Variants in CREB5 observed in about 807,000 individuals in gnomAD.
CREB5 encodes cyclic AMP-responsive element-binding protein 5.
A neutral mutation model predicts 57.1 loss-of-function variants in CREB5; 19 were observed. The ratio of observed to expected loss-of-function variants is 0.33; its 90% CI spans 0.23 to 0.49. The LOEUF (loss-of-function observed/expected upper bound fraction) is 0.49. CREB5 is among the 20% of genes least tolerant of loss of function. CREB5 has a pLI of 0.99. For synonymous variants in CREB5, 238 were observed against 238.3 expected (o/e 1.00, Z 0.01); for missense variants, 579 against 671.6 (o/e 0.86, Z 1.52).
chr7:28,357,869 G>A (rs1185608616), intron 1 of CREB5, among the ~76,000 whole-genome samples: 1 of 152,164 alleles, frequency 6.6e-6, no homozygotes, highest in Non-Finnish European at 1.5e-5. Context: ...AGAAAGGAAA[G>A]ATCTTTAAAG....
Position 28,822,578 on chromosome 7 carries a change from G to A in CREB5, c.*3299G>A, listed in dbSNP as rs773758437. On this transcript the variant is annotated 3_prime_UTR_variant, in exon 11 of 11. Transcript: ENST00000357727. ...TTCGTGTGTGGTTTTCTTGATCGGT[G>A]AGATCTGTCTCTGAAGTCACTGCCA... 7 of 152,692 alleles carry A rather than the reference G, an allele frequency of 4.6e-5. No homozygotes were observed. Among genetic ancestry groups the A allele is most frequent in the Non-Finnish European group, 5.9e-5 (4 of 68,104 alleles). 9.5% of individuals were successfully genotyped at this position (152,692 alleles called of 1,614,324 possible).
chr7:28,382,705 C>T (rs934988195), intron 1 of CREB5, among the ~76,000 whole-genome samples: 2 of 151,954 alleles, frequency 1.3e-5, no homozygotes, highest in African/African-American at 4.8e-5. Flanking sequence ...TACAATTGCA[C>T]TTAAAATGCT....
At chr7:28,562,590 T>C (rs1367894198) in intron 4 of CREB5, among the ~76,000 whole-genome samples, 1 of 152,226 alleles carries the variant, frequency 6.6e-6, no homozygotes, top group African/African-American at 2.4e-5. Context: ...AGGCCACTGA[T>C]GATTATATCA....
chr7:28,772,906 G>C (rs750662384), intron 7 of CREB5, among the ~76,000 whole-genome samples: 1 of 152,120 alleles, frequency 6.6e-6, no homozygotes, highest in Non-Finnish European at 1.5e-5. Flanking sequence ...CTACCACTTT[G>C]CTACTTGGTG....
chr7:28,398,430 G>A (rs1157941980), intron 1 of CREB5, among the ~76,000 whole-genome samples: 1 of 152,132 alleles, frequency 6.6e-6, no homozygotes, highest in East Asian at 1.9e-4. Context: ...TAAGCAAGAA[G>A]GCCAGGATGT....
At chr7:28,464,712 A>ATTT (rs1562735358) in intron 1 of CREB5, among the ~76,000 whole-genome samples, 2,513 of 141,814 alleles carry the variant, frequency 0.018, 57 homozygotes, top group African/African-American at 0.063. Flanking sequence ...GTTATTTTTA[A>ATTT]AAAAAAAAAA....
chr7:28,332,920 A>C (rs1211400303), intron 1 of CREB5, among the ~76,000 whole-genome samples: 1 of 152,202 alleles, frequency 6.6e-6, no homozygotes, highest in Non-Finnish European at 1.5e-5. Context: ...TTGACATAAG[A>C]TACTGTATAT....
chr7:28,608,239 CT>C (rs1002295134), intron 5 of CREB5, among the ~76,000 whole-genome samples: 7 of 152,018 alleles, frequency 4.6e-5, no homozygotes, highest in African/African-American at 1.4e-4. Flanking sequence ...CTTTTTCCCC[CT>C]GATATGTATC....
intron 5 of CREB5, among the ~76,000 whole-genome samples, chr7:28,616,860 G>A (rs758792248): frequency 2.0e-5 from 3 of 152,166 alleles, no homozygotes; most frequent in Non-Finnish European, 4.4e-5. Flanking sequence ...TTCTAAAAAT[G>A]CATTATTTCA....
chr7:28,659,434 T>C (rs752458938), intron 5 of CREB5, among the ~76,000 whole-genome samples: 1 of 152,148 alleles, frequency 6.6e-6, no homozygotes, highest in Non-Finnish European at 1.5e-5. Flanking sequence ...GAATCCTTTT[T>C]ATTCTTCTCT....
intron 1 of CREB5, among the ~76,000 whole-genome samples, chr7:28,451,878 C>G (rs1789832123): frequency 6.6e-6 from 1 of 152,056 alleles, no homozygotes; most frequent in Non-Finnish European, 1.5e-5. Context: ...GAATAAGCTC[C>G]ATATGGTTTC....
At chr7:28,674,464 A>C (rs866232929) in intron 5 of CREB5, among the ~76,000 whole-genome samples, 30 of 152,218 alleles carry the variant, frequency 2.0e-4, no homozygotes, top group Middle Eastern at 3.4e-3. Flanking sequence ...TTCTCTGCCC[A>C]CCTCTTACTG....
At chr7:28,790,553 C>T (rs1807639998) in intron 7 of CREB5, among the ~76,000 whole-genome samples, 1 of 151,774 alleles carries the variant, frequency 6.6e-6, no homozygotes, top group Non-Finnish European at 1.5e-5. Flanking sequence ...TGAATCAGTA[C>T]CAAGAAAAAC....
At chr7:28,385,246 G>A (rs911274750) in intron 1 of CREB5, among the ~76,000 whole-genome samples, 2 of 152,064 alleles carry the variant, frequency 1.3e-5, no homozygotes. Context: ...GCAGAATTGG[G>A]CTTTTAAGTC....
At chr7:28,796,928 A>G (rs940202769) in intron 7 of CREB5, among the ~76,000 whole-genome samples, 1 of 152,186 alleles carries the variant, frequency 6.6e-6, no homozygotes, top group Non-Finnish European at 1.5e-5. Context: ...ACAGTCTCTT[A>G]AAATGCTCAC....
chr7:28,570,360 G>A lies in CREB5; in HGVS notation c.292-5G>A, dbSNP rs1795646525. On this transcript the variant is annotated splice_polypyrimidine_tract_variant and splice_region_variant and intron_variant, in intron 4 of 10. Transcript: ENST00000357727. Reference sequence around the variant, plus strand: ...TGACCTTTCCCCTGTGTCTTCTCTGGGCAGAATATCTCGATGCATAATGCA... The same window carrying A: ...TGACCTTTCCCCTGTGTCTTCTCTGAGCAGAATATCTCGATGCATAATGCA... The A allele has an allele frequency of 6.2e-7, 1 of 1,610,808 alleles. No individual in the cohort carries two copies.
chr7:28,464,496 C>CGTGTGTGTGTGTGTGTGT (rs71555745), intron 1 of CREB5, among the ~76,000 whole-genome samples: 5 of 139,576 alleles, frequency 3.6e-5, no homozygotes, highest in African/African-American at 8.2e-5. Context: ...TGGAAAGTTG[C>CGTGTGTGTGTGTGTGTGT]GTGTGTGTGT....
rs1809865935 is a variant in CREB5, at chr7:28,822,941, A to G, written c.*3662A>G. On this transcript the variant is annotated 3_prime_UTR_variant, in exon 11 of 11. Transcript: ENST00000357727. Reference sequence around the variant, plus strand: ...TGGGAGACAAGCAGTTTGTGTGCTCACAGTATATATTATAGTAATTAGGGT... The same window carrying G: ...TGGGAGACAAGCAGTTTGTGTGCTCGCAGTATATATTATAGTAATTAGGGT... 1 of 152,652 alleles carries G rather than the reference A, an allele frequency of 6.6e-6. No homozygotes were observed. The highest frequency in any genetic ancestry group is 2.4e-5 in the African/African-American group (1 of 41,456). The allele number at this position is 152,652 out of a possible 1,614,324, so 9.5% of individuals were successfully genotyped here. A position where few individuals can be genotyped will look rare whatever the true frequency, so the allele number is the denominator to read the frequency against.
At chr7:28,339,945 T>C (rs1023611014) in intron 1 of CREB5, among the ~76,000 whole-genome samples, 1 of 152,192 alleles carries the variant, frequency 6.6e-6, no homozygotes, top group African/African-American at 2.4e-5. Flanking sequence ...AGTACTGTCA[T>C]GCTACCGCCA....
Sources: gnomAD v4.1 joint callset for allele counts (sites outside exome capture counted in the v4.1 genomes callset) on GRCh38, gnomAD v4.1.1 for gene constraint, MANE v1.5 for transcripts, NCBI Gene and HGNC (gene_info 2026-07-23, HGNC 2026-07-21) for gene names.